Variants in IGLL5 observed in about 807,000 individuals in gnomAD.
IGLL5 encodes the protein immunoglobulin lambda-like polypeptide 5.
In IGLL5, 30 loss-of-function variants were observed where a neutral mutation model predicts 20.9. That is an observed-to-expected ratio of 1.44 (90% confidence interval 1.07 to 1.95). The LOEUF is 1.95. Among genes scored for constraint, IGLL5 ranks in the 30% most tolerant of loss-of-function variants. IGLL5 has a pLI of 0.00. For missense variants in IGLL5, 475 were observed against 270.7 expected (o/e 1.75, Z -5.30); for synonymous variants, 203 against 117.3 (o/e 1.73, Z -4.72).
At chr22:22,888,333 A>C (rs1601599815) in intron 1 of IGLL5, 74 bp downstream of exon 1, 3 of 1,402,634 alleles carry the variant, frequency 2.1e-6, no homozygotes, top group African/African-American at 1.4e-5. Context: ...AGGGGAGACA[A>C]GCCAGAGGAG....
At chr22:22,894,589 G>A (rs139868103) in intron 2 of IGLL5, among the ~76,000 whole-genome samples, 5 of 151,408 alleles carry the variant, frequency 3.3e-5, no homozygotes, top group East Asian at 2.0e-4. Context: ...GTTAGACTCA[G>A]GAAATGACCA....
At chr22:22,895,327 C>G (rs766725854) in intron 2 of IGLL5, 48 bp from the exon 3 acceptor site, 4 of 1,548,142 alleles carry the variant, frequency 2.6e-6, no homozygotes, top group South Asian at 2.3e-5. Flanking sequence ...CTCCACAACA[C>G]CCCGGTATTC....
chr22:22,888,185 A>T lies in IGLL5; in HGVS notation c.132A>T (p.Ala44=), dbSNP rs559053132. 1.3e-6 allele frequency: 2 copies of T among 1,548,826 alleles called. No homozygotes were observed. The highest frequency in any genetic ancestry group is 1.7e-6 in the Non-Finnish European group (2 of 1,146,548). The change falls in exon 1 of 3, where the codon GCA becomes GCT. Residue 44 remains alanine, a synonymous_variant. Transcript: ENST00000526893. ...ATGGCCTGCTGCGCCCAATGGTTGC[A>T]CCGCAAAGCGGGGACCCAGACCCTG... ...VAHGLLRPMV[A]PQSGDPDPGA...
At chr22:22,894,520 C>T (rs762642085) in intron 2 of IGLL5, among the ~76,000 whole-genome samples, 4 of 151,530 alleles carry the variant, frequency 2.6e-5, no homozygotes, top group East Asian at 2.0e-4. Context: ...GCCCCGTCAC[C>T]TCTGGGGCCC....
At chr22:22,889,085 T>A (rs556632081) in intron 1 of IGLL5, among the ~76,000 whole-genome samples, 9 of 151,246 alleles carry the variant, frequency 6.0e-5, no homozygotes, top group Admixed American at 1.3e-4. Context: ...GTAGATTGAT[T>A]ATCAGAGTCA....
At position 22,889,360 on chromosome 22, in the gene IGLL5, C is replaced by T. The variant is rs1459009768; in HGVS notation, c.206+1101C>T. 4.0e-5 allele frequency among the ~76,000 whole-genome samples: 6 copies of T among 151,086 alleles called. 1 individual carries two copies. Among genetic ancestry groups the T allele is most frequent in the African/African-American group, 9.7e-5 (4 of 41,234 alleles). On this transcript the variant is annotated intron_variant, in intron 1 of 2. Coordinates refer to ENST00000526893, the MANE Select transcript of IGLL5 (RefSeq NM_001178126.2). The stretch of plus-strand genomic sequence containing the variant: ...GTCTATGGGCATTAAAAATGTATAA[C>T]CATTTTAGCAACAGGCGGCGAGTCA...
rs566521884 is a variant in IGLL5, at chr22:22,888,226, G to T, written c.173G>T (p.Ser58Ile). Residue 58 changes from serine to isoleucine, a missense_variant, in exon 1 of 3, where the codon AGC (serine) becomes ATC (isoleucine). Coordinates refer to ENST00000526893, the MANE Select transcript of IGLL5 (RefSeq NM_001178126.2). ...GDPDPGASVGSSRSSLRSLWG... is the reference protein window; with the variant it reads ...GDPDPGASVGISRSSLRSLWG... ...CCAGACCCTGGAGCCTCAGTTGGAA[G>T]CAGCCGATCCAGCCTGCGGAGCCTG... 3.9e-6 allele frequency: 6 copies of T among 1,548,214 alleles called. No homozygotes were observed. Among genetic ancestry groups the T allele is most frequent in the Admixed American group, 2.0e-5 (1 of 50,794 alleles).
At chr22:22,888,690 AG>A (rs2067632866) in intron 1 of IGLL5, among the ~76,000 whole-genome samples, 1 of 151,176 alleles carries the variant, frequency 6.6e-6, no homozygotes, top group Admixed American at 6.6e-5. Flanking sequence ...CACTCCCTGG[AG>A]AAGGCAGCAA....
At chr22:22,888,500 A>G (rs113009048) in intron 1 of IGLL5, among the ~76,000 whole-genome samples, 8 of 151,354 alleles carry the variant, frequency 5.3e-5, no homozygotes, top group South Asian at 4.2e-4. Context: ...GCGCCACTTA[A>G]ATTTTCACCA....
intron 2 of IGLL5, among the ~76,000 whole-genome samples, chr22:22,894,087 G>C (rs1569087166): frequency 6.6e-6 from 1 of 151,486 alleles, no homozygotes. Flanking sequence ...CAGGGCAGAT[G>C]TCTGAGTGAG....
intron 1 of IGLL5, among the ~76,000 whole-genome samples, chr22:22,892,182 A>T: frequency 6.6e-6 from 1 of 151,308 alleles, no homozygotes; most frequent in East Asian, 2.0e-4. Flanking sequence ...GTAACTTAAT[A>T]AAAGGCTAAA....
chr22:22,895,255 C>A lies in IGLL5; in HGVS notation c.326-120C>A, dbSNP rs2066735575. On this transcript the variant is annotated intron_variant, in intron 2 of 2. Transcript: ENST00000526893. ...AGGATGGGGAAAGAAGAGGAGAGAA[C>A]CCCGGGTGGACCGGATGGCCACACT... The A allele has an allele frequency of 3.3e-6, 3 of 895,842 alleles. No homozygotes were observed. The African/African-American group carries it at 5.0e-5, about 15-fold the overall frequency. 55.5% of individuals were successfully genotyped at this position (895,842 alleles called of 1,614,324 possible). A position where few individuals can be genotyped will look rare whatever the true frequency, so the allele number is the denominator to read the frequency against.
chr22:22,888,675 G>T (rs2067630634), intron 1 of IGLL5, among the ~76,000 whole-genome samples: 1 of 151,378 alleles, frequency 6.6e-6, no homozygotes, highest in African/African-American at 2.4e-5. Context: ...AGTGAGGGCA[G>T]GGGCCACTCC....
chr22:22,889,674 A>G (rs1601609490), intron 1 of IGLL5, among the ~76,000 whole-genome samples: 1 of 151,340 alleles, frequency 6.6e-6, no homozygotes, highest in African/African-American at 2.4e-5. Context: ...TGCAGCCTCA[A>G]CCTCCAGGGC....
chr22:22,889,592 T>C (rs2067736347), intron 1 of IGLL5, among the ~76,000 whole-genome samples: 2 of 151,238 alleles, frequency 1.3e-5, no homozygotes, highest in South Asian at 4.2e-4. Context: ...TGGGGGACTG[T>C]TGTTGTTTTT....
intron 1 of IGLL5, among the ~76,000 whole-genome samples, chr22:22,889,041 T>C (rs575014690): frequency 2.6e-5 from 4 of 151,318 alleles, no homozygotes; most frequent in African/African-American, 4.8e-5. Context: ...CGTGCACCAT[T>C]CCCAGTCCAG....
At chr22:22,891,187 T>C (rs528476352) in intron 1 of IGLL5, among the ~76,000 whole-genome samples, 109 of 151,298 alleles carry the variant, frequency 7.2e-4, no homozygotes, top group African/African-American at 2.6e-3. Context: ...TATAAACTCA[T>C]TTTTCTGTTT....
chr22:22,888,591 G>A (rs2067619745), intron 1 of IGLL5, among the ~76,000 whole-genome samples: 5 of 151,342 alleles, frequency 3.3e-5, no homozygotes, highest in East Asian at 2.0e-4. Context: ...CACAGGGGGT[G>A]GTGGCCACTG....
At chr22:22,888,892 C>T (rs528639315) in intron 1 of IGLL5, among the ~76,000 whole-genome samples, 4 of 151,388 alleles carry the variant, frequency 2.6e-5, no homozygotes, top group Middle Eastern at 3.7e-3. Context: ...GATGCCCAGG[C>T]TGGTCTCACA....
Sources: allele counts gnomAD v4.1 joint callset (sites outside exome capture counted in the v4.1 genomes callset), GRCh38; gene constraint gnomAD v4.1.1; transcripts MANE v1.5; gene names NCBI Gene and HGNC (gene_info 2026-07-23, HGNC 2026-07-21).